EYA4: variants seen among roughly 807,000 people sequenced by gnomAD.
The protein encoded by EYA4 is protein phosphatase EYA4.
In EYA4, 31 loss-of-function variants were observed where a neutral mutation model predicts 87.9. The ratio of observed to expected loss-of-function variants is 0.35; its 90% CI spans 0.27 to 0.48. EYA4 has a LOEUF of 0.48. Among genes scored for constraint, EYA4 ranks in the 20% least tolerant of loss-of-function variants. The pLI is 0.99. For missense variants in EYA4, 678 were observed against 761.4 expected, an observed-to-expected ratio of 0.89 and a Z score of 1.29; for synonymous variants, 263 against 270.6, an observed-to-expected ratio of 0.97 and a Z score of 0.28.
At chr6:133,252,975 ACACACACACACACACT>A (rs1012265683) in intron 1 of EYA4, among the ~76,000 whole-genome samples, 5 of 148,540 alleles carry the variant, frequency 3.4e-5, no homozygotes, top group South Asian at 4.3e-4. Context: ...ACACACACAC[ACACACACACACACACT>A]CACTCTCTCT....
At chr6:133,356,691 A>C (rs1342058091) in intron 2 of EYA4, among the ~76,000 whole-genome samples, 2 of 151,712 alleles carry the variant, frequency 1.3e-5, no homozygotes, top group Non-Finnish European at 2.9e-5. Context: ...TGAGCATAAG[A>C]TTGCTAAAGA....
At chr6:133,410,265 C>A (rs114882465) in intron 3 of EYA4, among the ~76,000 whole-genome samples, 3,672 of 152,088 alleles carry the variant, frequency 0.024, 135 homozygotes, top group African/African-American at 0.077. Flanking sequence ...CTATTGAATA[C>A]AACATGAGTA....
chr6:133,519,259 T>C (rs1583545126), intron 17 of EYA4, among the ~76,000 whole-genome samples: 2 of 148,640 alleles, frequency 1.3e-5, no homozygotes. Flanking sequence ...GCAAGACTAA[T>C]AAAGAAAAAA....
chr6:133,424,987 T>C (rs1790543175), intron 3 of EYA4, among the ~76,000 whole-genome samples: 1 of 150,766 alleles, frequency 6.6e-6, no homozygotes, highest in Non-Finnish European at 1.5e-5. Flanking sequence ...ACCATGGATC[T>C]TCCTTGATAG....
At chr6:133,386,327 G>A (rs543639797) in intron 3 of EYA4, among the ~76,000 whole-genome samples, 125 of 152,016 alleles carry the variant, frequency 8.2e-4, no homozygotes, top group African/African-American at 2.9e-3. Flanking sequence ...AATAGCTCCT[G>A]GACAAATGAA....
intron 2 of EYA4, among the ~76,000 whole-genome samples, chr6:133,373,828 G>A (rs746398813): frequency 2.0e-5 from 3 of 152,024 alleles, no homozygotes; most frequent in East Asian, 1.9e-4. Flanking sequence ...TTTATGCATA[G>A]TATCAAGGCT....
At chr6:133,246,343 A>G (rs1191627959) in intron 1 of EYA4, among the ~76,000 whole-genome samples, 12 of 152,142 alleles carry the variant, frequency 7.9e-5, no homozygotes, top group African/African-American at 2.7e-4. Flanking sequence ...CAGTATGTTC[A>G]TATTTTTAAA....
intron 2 of EYA4, among the ~76,000 whole-genome samples, chr6:133,298,888 A>G (rs1582885778): frequency 6.6e-6 from 1 of 152,230 alleles, no homozygotes; most frequent in East Asian, 1.9e-4. Flanking sequence ...TTTTAGGGGC[A>G]GCACCCTTTG....
At chr6:133,505,173 T>C (rs1798485986) in intron 13 of EYA4, among the ~76,000 whole-genome samples, 2 of 152,210 alleles carry the variant, frequency 1.3e-5, no homozygotes, top group Non-Finnish European at 2.9e-5. Context: ...CATTCCAACT[T>C]TGATAATTTT....
At chr6:133,301,055 T>G (rs560010347) in intron 2 of EYA4, among the ~76,000 whole-genome samples, 34 of 152,330 alleles carry the variant, frequency 2.2e-4, no homozygotes, top group Non-Finnish European at 4.4e-4. Context: ...GTTTCATATT[T>G]TACACACTTT....
At chr6:133,331,928 T>G (rs1427596173) in intron 2 of EYA4, among the ~76,000 whole-genome samples, 1 of 152,238 alleles carries the variant, frequency 6.6e-6, no homozygotes, top group Non-Finnish European at 1.5e-5. Flanking sequence ...TGTGCTCTTG[T>G]GTGGATGGTC....
chr6:133,283,586 G>A (rs1012030001), intron 2 of EYA4, among the ~76,000 whole-genome samples: 25 of 152,126 alleles, frequency 1.6e-4, no homozygotes, highest in African/African-American at 6.0e-4. Flanking sequence ...CTGAAGCAGA[G>A]TTTAGGTATC....
intron 3 of EYA4, among the ~76,000 whole-genome samples, chr6:133,439,049 C>CAAAAAAAAAAAAAAAAAAAAAAAAA (rs56261819): frequency 3.1e-4 from 20 of 64,032 alleles, no homozygotes; most frequent in South Asian, 8.9e-4. Flanking sequence ...GACTCCGTCT[C>CAAAAAAAAAAAAAAAAAAAAAAAAA]AAAAAAAAAA....
At position 133,462,704 on chromosome 6, in the gene EYA4, T is replaced by A; in HGVS notation, c.664T>A (p.Tyr222Asn). 6.2e-7 allele frequency: 1 copy of A among 1,613,914 alleles called. No homozygotes were observed. Among genetic ancestry groups the A allele is most frequent in the Non-Finnish European group, 8.5e-7 (1 of 1,179,882 alleles). ...CCCATTACAGAGTGGCTGCCTCAGT[T>A]ACAGCCCAGGGTTCTCTACCCCACA... ...QSPLQSGCLSYSPGFSTPQPG... is the reference protein window; with the variant it reads ...QSPLQSGCLSNSPGFSTPQPG... Residue 222 changes from tyrosine (Y) to asparagine (N), a missense_variant, in exon 9 of 20, where the codon TAC becomes AAC. Coordinates refer to ENST00000355286, the MANE Select transcript of EYA4 (RefSeq NM_004100.5).
At chr6:133,243,680 ATAT>A (rs1774171727) in intron 1 of EYA4, among the ~76,000 whole-genome samples, 1 of 148,970 alleles carries the variant, frequency 6.7e-6, no homozygotes, top group South Asian at 2.1e-4. Context: ...GTCTTTTAAA[ATAT>A]TATTGGCAAG....
intron 2 of EYA4, among the ~76,000 whole-genome samples, chr6:133,362,572 C>T (rs1784529007): frequency 6.6e-6 from 1 of 152,196 alleles, no homozygotes; most frequent in African/African-American, 2.4e-5. Flanking sequence ...AGCTGCTGCG[C>T]AGGTCAAGCC....
At chr6:133,340,467 G>A (rs1041634612) in intron 2 of EYA4, among the ~76,000 whole-genome samples, 2 of 152,160 alleles carry the variant, frequency 1.3e-5, no homozygotes, top group Admixed American at 6.5e-5. Flanking sequence ...CAAGAAAGAC[G>A]CAGCTGAAAA....
chr6:133,531,264 G>A lies in EYA4; in HGVS notation c.*2459G>A, dbSNP rs1311508876. 1 of 1,474,850 alleles carries A rather than the reference G, an allele frequency of 6.8e-7. No individual in the cohort carries two copies. The highest frequency in any genetic ancestry group is 9.2e-7 in the Non-Finnish European group (1 of 1,092,464). 91.4% of individuals were successfully genotyped at this position (1,474,850 alleles called of 1,614,324 possible). A position where few individuals can be genotyped will look rare whatever the true frequency, so the allele number is the denominator to read the frequency against. Reference sequence around the variant, plus strand: ...AGGTTGACGGAGAACAGCTTGTCTGGCACAACAATGGTGCAGGCCCACGAG... The same window carrying A: ...AGGTTGACGGAGAACAGCTTGTCTGACACAACAATGGTGCAGGCCCACGAG... On this transcript the variant is annotated 3_prime_UTR_variant, in exon 20 of 20. Transcript: ENST00000355286.
rs869103311 is a variant in EYA4, at chr6:133,394,284, G to GTTTTTTTTTTT, written c.83+11867_83+11877dup. 2.0e-3 allele frequency among the ~76,000 whole-genome samples: 36 copies of GTTTTTTTTTTT among 17,888 alleles called. 1 individual carries two copies. Among genetic ancestry groups the GTTTTTTTTTTT allele is most frequent in the African/African-American group, 3.4e-3 (23 of 6,744 alleles). The allele number at this position is 17,888 out of a possible 152,430, so 11.7% of individuals were successfully genotyped here. A position where few individuals can be genotyped will look rare whatever the true frequency, so the allele number is the denominator to read the frequency against. On this transcript the variant is annotated intron_variant, in intron 3 of 19. Coordinates refer to ENST00000355286, the MANE Select transcript of EYA4 (RefSeq NM_004100.5). ...TGGAAAAATGTATATATAAGCTTGT[G>GTTTTTTTTTTT]TTTTTTTTTTTTTTTTTTTTTTTTT...
Sources: allele counts gnomAD v4.1 joint callset (sites outside exome capture counted in the v4.1 genomes callset), GRCh38; gene constraint gnomAD v4.1.1; transcripts MANE v1.5; gene names NCBI Gene and HGNC (gene_info 2026-07-23, HGNC 2026-07-21).